CABIN1: variants seen among roughly 807,000 people sequenced by gnomAD.
The protein encoded by CABIN1 is calcineurin binding protein 1.
In CABIN1, 133 loss-of-function variants were observed where a neutral mutation model predicts 227.7. That is an observed-to-expected ratio of 0.58 (90% CI 0.51 to 0.67). The LOEUF (loss-of-function observed/expected upper bound fraction) is 0.67. CABIN1 is among the 30% of genes least tolerant of loss of function. The pLI is 0.00. For missense variants in CABIN1, 2,408 were observed against 2,852.5 expected (o/e 0.84, Z 3.55); for synonymous variants, 1,086 against 1,155.1 (o/e 0.94, Z 1.21).
intron 22 of CABIN1, among the ~76,000 whole-genome samples, chr22:24,085,647 T>C (rs1005037585): frequency 2.0e-5 from 3 of 152,224 alleles, no homozygotes; most frequent in African/African-American, 4.8e-5. Flanking sequence ...TGATAGTACA[T>C]GTAGAAGAGC....
At chr22:24,032,260 G>A (rs912773944) in intron 1 of CABIN1, among the ~76,000 whole-genome samples, 1 of 152,118 alleles carries the variant, frequency 6.6e-6, no homozygotes, top group Non-Finnish European at 1.5e-5. Flanking sequence ...TTTGTGTCTG[G>A]CTTATTTTAC....
At chr22:24,057,906 T>C (rs1046694962) in intron 10 of CABIN1, among the ~76,000 whole-genome samples, 7 of 152,212 alleles carry the variant, frequency 4.6e-5, no homozygotes, top group African/African-American at 1.4e-4. Context: ...GACCCTATAT[T>C]CCCCTTAGCC....
chr22:24,144,437 C>T (rs2044980522), intron 29 of CABIN1, among the ~76,000 whole-genome samples: 1 of 152,228 alleles, frequency 6.6e-6, no homozygotes, highest in Non-Finnish European at 1.5e-5. Flanking sequence ...ATGTCATCTT[C>T]CACTAAGCCA....
In CABIN1 at chr22:24,170,005, C is replaced by G. The variant is rs116427935; in HGVS notation, c.5757+1484C>G. On this transcript the variant is annotated intron_variant, in intron 33 of 36. Transcript: ENST00000263119. ...CAGAGCCAGGGGACCCAGGTCCTTA[C>G]CTTTCAGGTTGCCTGCTGCTGGGCG... 5.6e-3 allele frequency: 2,301 copies of G among 410,170 alleles called. 42 individuals carry two copies. The highest frequency in any genetic ancestry group is 0.044 in the African/African-American group (2,115 of 48,500). 25.4% of individuals were successfully genotyped at this position (410,170 alleles called of 1,614,324 possible). A position where few individuals can be genotyped will look rare whatever the true frequency, so the allele number is the denominator to read the frequency against.
chr22:24,122,505 C>G (rs988074309), intron 28 of CABIN1, among the ~76,000 whole-genome samples: 1 of 152,002 alleles, frequency 6.6e-6, no homozygotes, highest in Non-Finnish European at 1.5e-5. Context: ...GTCAGGAGTT[C>G]AAGACCACCT....
intron 5 of CABIN1, among the ~76,000 whole-genome samples, chr22:24,041,487 A>G (rs1022812111): frequency 6.6e-6 from 1 of 152,204 alleles, no homozygotes; most frequent in Non-Finnish European, 1.5e-5. Context: ...GCTTGGATGC[A>G]GAGGCCTGCA....
rs10427768 is a variant in CABIN1 at position 24,135,364 on chromosome 22, G to A, written c.4746+949G>A. Among the ~76,000 whole-genome samples the A allele has an allele frequency of 9.7e-3, 1,474 of 152,106 alleles. 31 individuals carry two copies. Among genetic ancestry groups the A allele is most frequent in the African/African-American group, 0.033 (1,384 of 41,472 alleles). On this transcript the variant is annotated intron_variant, in intron 29 of 36. Transcript: ENST00000263119. ...GAGATGGTGCCATTGCACTCCAGCCGGGGAGACAGAGTGAGACTCCCTCTT... is the reference window on the plus strand; with the variant it reads ...GAGATGGTGCCATTGCACTCCAGCCAGGGAGACAGAGTGAGACTCCCTCTT...
intron 29 of CABIN1, among the ~76,000 whole-genome samples, chr22:24,136,329 T>C (rs1206860793): frequency 1.3e-5 from 2 of 151,152 alleles, no homozygotes; most frequent in East Asian, 3.9e-4. Flanking sequence ...TGTCCCACAG[T>C]TTACCTAGCC....
Position 24,176,267 on chromosome 22 carries a change from G to T in CABIN1, c.6197G>T (p.Cys2066Phe), listed in dbSNP as rs2047100900. 6.2e-7 allele frequency: 1 copy of T among 1,601,470 alleles called. No individual in the cohort carries two copies. The highest frequency in any genetic ancestry group is 1.3e-5 in the African/African-American group (1 of 74,752). Residue 2066 changes from cysteine (C) to phenylalanine (F), a missense_variant, in exon 35 of 37, where the codon TGC becomes TTC. Cys to Phe is a radical substitution (Grantham distance 205). Coordinates refer to ENST00000263119, the MANE Select transcript of CABIN1 (RefSeq NM_012295.4). ...CTGGGCACAGGCGCTGAGCCCACCT[G>T]CAGCCAGGGTAAGGCGAGTTGGGAG... ...AALGTGAEPT[C>F]SQEGKLRPEP...
intron 18 of CABIN1, among the ~76,000 whole-genome samples, chr22:24,075,814 A>G (rs1171550998): frequency 6.6e-6 from 1 of 152,056 alleles, no homozygotes; most frequent in Non-Finnish European, 1.5e-5. Context: ...GTAACAAATT[A>G]CTTTTCTCTC....
chr22:24,066,247 A>G (rs1323987594), intron 15 of CABIN1, among the ~76,000 whole-genome samples: 1 of 152,180 alleles, frequency 6.6e-6, no homozygotes, highest in African/African-American at 2.4e-5. Flanking sequence ...TCCTTGGTGG[A>G]AAGCAGGTGT....
chr22:24,036,167 A>T lies in CABIN1; in HGVS notation c.82A>T (p.Thr28Ser). ...EGSFKSHKTQ[T>S]KEAQEAEAFA... ...AAGCTTTAAAAGTCACAAAACCCAG[A>T]CAAAGGAGGCTCAGGTACGTAATGC... The change falls in exon 3 of 37, where the codon ACA becomes TCA. Residue 28 changes from threonine to serine, a missense_variant. Thr to Ser is a moderately conservative substitution (Grantham distance 58). Around this residue, in one of 3 missense-constraint regions of CABIN1, gnomAD observed 1,045 missense variants for 1,168.4 expected, o/e 0.89. Transcript: ENST00000263119. 6.2e-7 allele frequency: 1 copy of T among 1,612,472 alleles called. No homozygotes were observed. The highest frequency in any genetic ancestry group is 8.5e-7 in the Non-Finnish European group (1 of 1,178,732).
At chr22:24,158,571 G>A (rs770745269) in intron 29 of CABIN1, among the ~76,000 whole-genome samples, 15 of 152,140 alleles carry the variant, frequency 9.9e-5, no homozygotes, top group Non-Finnish European at 1.2e-4. Flanking sequence ...CGCTCAGGAC[G>A]CTGCGGGTGA....
At chr22:24,100,590 G>A (rs1276340497) in intron 26 of CABIN1, among the ~76,000 whole-genome samples, 1 of 152,206 alleles carries the variant, frequency 6.6e-6, no homozygotes, top group Non-Finnish European at 1.5e-5. Flanking sequence ...GAGAGGAGAG[G>A]GGCGTCAGCA....
At chr22:24,140,768 G>T (rs1298996377) in intron 29 of CABIN1, among the ~76,000 whole-genome samples, 4 of 152,218 alleles carry the variant, frequency 2.6e-5, no homozygotes, top group Admixed American at 6.5e-5. Flanking sequence ...CTGCTTCTGA[G>T]GCCGTGTGGG....
chr22:24,095,644 G>A (rs556144065), intron 24 of CABIN1, among the ~76,000 whole-genome samples: 29 of 152,316 alleles, frequency 1.9e-4, no homozygotes, highest in South Asian at 1.7e-3. Flanking sequence ...CCCAGTGAAC[G>A]GAGCTGAAGG....
rs576827737 is a variant in CABIN1 at position 24,166,984 on chromosome 22, G to T, written c.5353G>T (p.Ala1785Ser). ...RTPPLLPGRPARDRGPESRPT... is the reference protein window; with the variant it reads ...RTPPLLPGRPSRDRGPESRPT... ...ACCACCCCTGCTGCCAGGTCGCCCC[G>T]CAAGGGACCGGGGCCCCGAGAGCCG... The change falls in exon 32 of 37, where the codon GCA becomes TCA. Residue 1785 changes from alanine (A) to serine (S), a missense_variant. Around this residue, in one of 3 missense-constraint regions of CABIN1, gnomAD observed 714 missense variants for 773.8 expected, o/e 0.92. Transcript: ENST00000263119. The T allele has an allele frequency of 1.3e-6, 2 of 1,577,104 alleles. No homozygotes were observed.
At position 24,023,317 on chromosome 22, in the gene CABIN1, A is replaced by G. The variant is rs139090834; in HGVS notation, c.-75+11950A>G. Among the ~76,000 whole-genome samples, 3 of 152,196 alleles carry G rather than the reference A, an allele frequency of 2.0e-5. No homozygotes were observed. The East Asian group carries it at 5.8e-4, about 29-fold the overall frequency. ...ATTGGTGGACACTTGGTTTGTTTCT[A>G]CCTTTTGGCTATTGTGAATAATGCT... On this transcript the variant is annotated intron_variant, in intron 1 of 36. Transcript: ENST00000263119.
chr22:24,025,424 A>G (rs891630794), intron 1 of CABIN1, among the ~76,000 whole-genome samples: 2 of 152,158 alleles, frequency 1.3e-5, no homozygotes, highest in African/African-American at 4.8e-5. Flanking sequence ...AACCAAGGCA[A>G]GTATATACCA....
Sources: allele counts gnomAD v4.1 joint callset (sites outside exome capture counted in the v4.1 genomes callset), GRCh38; gene constraint gnomAD v4.1.1; regional missense constraint gnomAD v4.1.1; transcripts MANE v1.5; gene names NCBI Gene and HGNC (gene_info 2026-07-23, HGNC 2026-07-21).